Variants in INPP4B observed in about 807,000 individuals in gnomAD.
INPP4B encodes inositol polyphosphate 4-phosphatase type II.
Under a neutral mutation model 122.5 loss-of-function variants are expected in INPP4B, and 55 were observed. That is an observed-to-expected ratio of 0.45 (90% CI 0.36 to 0.56). INPP4B has a LOEUF of 0.56. Among genes scored for constraint, INPP4B ranks in the 20% least tolerant of loss-of-function variants. The pLI is 0.00. For missense variants in INPP4B, 1,000 were observed against 1,097.7 expected (o/e 0.91, Z 1.26); for synonymous variants, 403 against 388.7 (o/e 1.04, Z -0.43).
intron 11 of INPP4B, among the ~76,000 whole-genome samples, chr4:142,254,013 C>G (rs915816916): frequency 7.8e-5 from 11 of 141,652 alleles, no homozygotes; most frequent in African/African-American, 2.7e-4. Flanking sequence ...GATCTGAGAA[C>G]GGGCAGACTG....
intron 5 of INPP4B, among the ~76,000 whole-genome samples, chr4:142,405,527 T>C (rs990018201): frequency 6.6e-6 from 1 of 152,152 alleles, no homozygotes; most frequent in Non-Finnish European, 1.5e-5. Flanking sequence ...AGAGTTCATT[T>C]CCACTGACCA....
intron 7 of INPP4B, among the ~76,000 whole-genome samples, chr4:142,331,501 T>C (rs1362294301): frequency 6.6e-6 from 1 of 152,174 alleles, no homozygotes; most frequent in African/African-American, 2.4e-5. Context: ...ATCAATAGTA[T>C]GAAAATACAA....
chr4:142,649,562 A>G (rs1157607011), intron 2 of INPP4B, among the ~76,000 whole-genome samples: 5 of 152,238 alleles, frequency 3.3e-5, no homozygotes, highest in Non-Finnish European at 7.3e-5. Flanking sequence ...GAACTTCGTG[A>G]TGCATACATA....
chr4:142,173,559 G>T, intron 16 of INPP4B, 73 bp downstream of exon 16: 2 of 1,270,082 alleles, frequency 1.6e-6, no homozygotes, highest in Non-Finnish European at 2.2e-6. Flanking sequence ...GAATGGCGAT[G>T]TATGCAGAAA....
chr4:142,740,363 A>G (rs1215058006), intron 1 of INPP4B, among the ~76,000 whole-genome samples: 1 of 152,110 alleles, frequency 6.6e-6, no homozygotes, highest in African/African-American at 2.4e-5. Context: ...TTCTGGCAAT[A>G]TAGACACTAG....
chr4:142,109,162 T>C (rs1301156904), intron 22 of INPP4B, among the ~76,000 whole-genome samples: 2 of 151,694 alleles, frequency 1.3e-5, no homozygotes, highest in Non-Finnish European at 2.9e-5. Flanking sequence ...TCTCAACCAC[T>C]GTCATTATAT....
intron 2 of INPP4B, among the ~76,000 whole-genome samples, chr4:142,660,507 A>G (rs1338030403): frequency 6.6e-6 from 1 of 151,958 alleles, no homozygotes; most frequent in Non-Finnish European, 1.5e-5. Context: ...TCTCTGTACT[A>G]TGGGACACTC....
At chr4:142,517,974 A>T (rs1825620282) in intron 2 of INPP4B, among the ~76,000 whole-genome samples, 1 of 152,212 alleles carries the variant, frequency 6.6e-6, no homozygotes, top group Non-Finnish European at 1.5e-5. Context: ...TTACTAATAA[A>T]TCTTATTGTT....
chr4:142,616,403 AAGGTCGG>A (rs1743711735), intron 2 of INPP4B, among the ~76,000 whole-genome samples: 1 of 152,192 alleles, frequency 6.6e-6, no homozygotes, highest in Non-Finnish European at 1.5e-5. Context: ...GAGGCAAGAC[AAGGTCGG>A]AGAAAGCCAG....
In INPP4B at chr4:142,029,764, G is replaced by C. The variant is rs562378711; in HGVS notation, c.2643-850C>G. ...CCCACATCTCTAGAACTTGTCTCAG[G>C]GTTTCAGTGTTTGTGCAAATTTCAG... On this transcript the variant is annotated intron_variant, in intron 25 of 25. Coordinates refer to ENST00000262992, the MANE Select transcript of INPP4B (RefSeq NM_001101669.3). The C allele has an allele frequency of 4.0e-6, 4 of 996,846 alleles. No individual in the cohort carries two copies. In the South Asian group the frequency reaches 1.3e-4, roughly 33 times the overall value. 61.8% of individuals were successfully genotyped at this position (996,846 alleles called of 1,614,324 possible).
chr4:142,575,061 A>G (rs1283054229), intron 2 of INPP4B, among the ~76,000 whole-genome samples: 1 of 152,102 alleles, frequency 6.6e-6, no homozygotes, highest in East Asian at 1.9e-4. Context: ...TCCTTAAACT[A>G]GCTGAACTGA....
At chr4:142,292,079 C>G (rs573851405) in intron 9 of INPP4B, among the ~76,000 whole-genome samples, 110 of 152,194 alleles carry the variant, frequency 7.2e-4, no homozygotes, top group Admixed American at 3.7e-3. Flanking sequence ...GTTTCAAGGA[C>G]TAGTGGGAGT....
intron 12 of INPP4B, among the ~76,000 whole-genome samples, chr4:142,237,423 A>G (rs1579391737): frequency 6.6e-6 from 1 of 152,180 alleles, no homozygotes; most frequent in Non-Finnish European, 1.5e-5. Context: ...TAAATAAAAA[A>G]GCAGGTGAGG....
chr4:142,431,191 ATCAT>A lies in INPP4B; in HGVS notation c.65_68del (p.Asn22IlefsTer37). ...TACTTGTGAACTGACAGTCCCCGGG[ATCAT>A]TGGCCTGGGCTGTAGGAAGAAAGTG... On this transcript the variant is annotated frameshift_variant, in exon 4 of 26. Coordinates refer to ENST00000262992, the MANE Select transcript of INPP4B (RefSeq NM_001101669.3). LOFTEE classifies it high-confidence loss of function. 1 of 1,613,168 alleles carries A rather than the reference ATCAT, an allele frequency of 6.2e-7. No homozygotes were observed. The highest frequency in any genetic ancestry group is 8.5e-7 in the Non-Finnish European group (1 of 1,179,332).
intron 7 of INPP4B, among the ~76,000 whole-genome samples, chr4:142,370,241 C>T (rs971214692): frequency 1.3e-5 from 2 of 152,088 alleles, no homozygotes; most frequent in African/African-American, 4.8e-5. Context: ...CAATTACCAG[C>T]CAGAGACAGT....
At chr4:142,042,572 A>G (rs1748667563) in intron 25 of INPP4B, among the ~76,000 whole-genome samples, 1 of 137,914 alleles carries the variant, frequency 7.3e-6, no homozygotes, top group Non-Finnish European at 1.6e-5. Context: ...TTATTTATTT[A>G]TTTATTTTTA....
intron 2 of INPP4B, 24 bp downstream of exon 2, chr4:142,725,815 A>T (rs996401799): frequency 3.0e-5 from 12 of 397,818 alleles, no homozygotes; most frequent in Non-Finnish European, 4.9e-5. Flanking sequence ...GAATGAAAAA[A>T]TATCAATTCA....
intron 25 of INPP4B, among the ~76,000 whole-genome samples, chr4:142,050,295 C>A (rs966480410): frequency 6.6e-6 from 1 of 151,862 alleles, no homozygotes; most frequent in South Asian, 2.1e-4. Flanking sequence ...CTAAAATTTA[C>A]CAGGTTTCTT....
At chr4:142,287,710 A>G (rs971605338) in intron 9 of INPP4B, 1 of 152,184 alleles carries the variant, frequency 6.6e-6, no homozygotes, top group East Asian at 1.9e-4. Context: ...TATTAGCGAT[A>G]ACAACAAGAA....
Sources: allele counts gnomAD v4.1 joint callset (sites outside exome capture counted in the v4.1 genomes callset), GRCh38; gene constraint gnomAD v4.1.1; transcripts MANE v1.5; gene names NCBI Gene and HGNC (gene_info 2026-07-23, HGNC 2026-07-21).